Variants in GNAO1 observed in about 807,000 individuals in gnomAD.
GNAO1 encodes the protein guanine nucleotide-binding protein G(o) subunit alpha.
For synonymous variants in GNAO1, 164 were observed against 180.7 expected, an observed-to-expected ratio of 0.91 and a Z score of 0.74; for missense variants, 166 against 478.7, an observed-to-expected ratio of 0.35 and a Z score of 6.10.
chr16:56,239,154 G>A (rs1420309952), intron 2 of GNAO1, among the ~76,000 whole-genome samples: 2 of 152,196 alleles, frequency 1.3e-5, no homozygotes, highest in African/African-American at 4.8e-5. Flanking sequence ...TTTTGCACTA[G>A]CCCATCACAG....
intron 2 of GNAO1, among the ~76,000 whole-genome samples, chr16:56,207,303 AAAAT>A (rs1229879195): frequency 1.3e-5 from 2 of 152,254 alleles, no homozygotes; most frequent in African/African-American, 4.8e-5. Flanking sequence ...AAAGACCAAA[AAAAT>A]AAATAAATAA....
chr16:56,236,521 G>A (rs1300423678), intron 2 of GNAO1, among the ~76,000 whole-genome samples: 2 of 152,158 alleles, frequency 1.3e-5, no homozygotes, highest in African/African-American at 4.8e-5. Flanking sequence ...GGCCAACCCA[G>A]TCAAGTTCAT....
chr16:56,224,890 C>T (rs909040784), intron 2 of GNAO1, among the ~76,000 whole-genome samples: 7 of 152,236 alleles, frequency 4.6e-5, no homozygotes, highest in East Asian at 1.9e-4. Context: ...AAACAATCCT[C>T]GTTTCAGGTG....
At chr16:56,273,253 A>G (rs1490667842) in intron 2 of GNAO1, among the ~76,000 whole-genome samples, 1 of 151,966 alleles carries the variant, frequency 6.6e-6, no homozygotes, top group Non-Finnish European at 1.5e-5. Context: ...TTCAATTTAG[A>G]TAGTTTTTAT....
intron 2 of GNAO1, among the ~76,000 whole-genome samples, chr16:56,214,813 G>A (rs1157451941): frequency 6.6e-6 from 1 of 152,228 alleles, no homozygotes; most frequent in African/African-American, 2.4e-5. Context: ...TTGCGTACCG[G>A]GTGTTTCTGT....
intron 3 of GNAO1, among the ~76,000 whole-genome samples, chr16:56,299,510 G>A (rs1340956579): frequency 7.0e-6 from 1 of 143,298 alleles, no homozygotes; most frequent in African/African-American, 2.5e-5. Context: ...CACCCAGCCC[G>A]AGGCAGCCCC....
intron 3 of GNAO1, among the ~76,000 whole-genome samples, chr16:56,325,242 C>A (rs919279181): frequency 2.0e-5 from 3 of 152,188 alleles, no homozygotes; most frequent in Admixed American, 2.0e-4. Context: ...TTTGGGAGGC[C>A]AAGGCGGGTG....
chr16:56,231,829 G>A (rs1736841316), intron 2 of GNAO1, among the ~76,000 whole-genome samples: 1 of 152,198 alleles, frequency 6.6e-6, no homozygotes, highest in African/African-American at 2.4e-5. Context: ...CTCCTCTGAG[G>A]CTCAGTATTC....
chr16:56,331,584 C>T (rs531283071), intron 4 of GNAO1, among the ~76,000 whole-genome samples: 1 of 152,296 alleles, frequency 6.6e-6, no homozygotes, highest in South Asian at 2.1e-4. Flanking sequence ...GCCCCCGCCT[C>T]CTCTCGGGCC....
At chr16:56,195,661 G>A (rs2036225830) in intron 2 of GNAO1, among the ~76,000 whole-genome samples, 1 of 152,240 alleles carries the variant, frequency 6.6e-6, no homozygotes. Flanking sequence ...ATGAAATTCA[G>A]CAGAAAGCCC....
rs1425468924 is a variant in GNAO1 at position 56,243,598 on chromosome 16, A to T, written c.162-32333A>T. 2.0e-5 allele frequency among the ~76,000 whole-genome samples: 3 copies of T among 152,216 alleles called. No individual in the cohort carries two copies. In the East Asian group the frequency reaches 5.8e-4, roughly 29 times the overall value. On this transcript the variant is annotated intron_variant, in intron 2 of 8. Transcript: ENST00000262493. ...ACGTTATTGGCCATCAGGGAAATGG[A>T]TGGAGAAAAAAAGTAGATTACTGGT...
intron 3 of GNAO1, 86 bp downstream of exon 3, chr16:56,276,158 T>G (rs1467166898): frequency 1.2e-5 from 14 of 1,191,296 alleles, no homozygotes; most frequent in East Asian, 2.4e-5. Context: ...TGGGCTGCCT[T>G]AAATGAACGA....
intron 3 of GNAO1, among the ~76,000 whole-genome samples, chr16:56,317,301 G>A (rs1333698948): frequency 1.3e-5 from 2 of 152,188 alleles, no homozygotes; most frequent in Non-Finnish European, 2.9e-5. Flanking sequence ...GGGACCATGG[G>A]ACAGAGGCAG....
At chr16:56,256,716 CTCTGTGTG>C (rs1321753696) in intron 2 of GNAO1, among the ~76,000 whole-genome samples, 8 of 90,270 alleles carry the variant, frequency 8.9e-5, no homozygotes, top group East Asian at 2.9e-4. Context: ...CTCTCTCTCT[CTCTGTGTG>C]TGTGTGTGTG....
At chr16:56,308,563 TC>T (rs2037420592) in intron 3 of GNAO1, among the ~76,000 whole-genome samples, 1 of 152,056 alleles carries the variant, frequency 6.6e-6, no homozygotes, top group Non-Finnish European at 1.5e-5. Context: ...ATCCAGTTGT[TC>T]CCTGCACAGA....
At chr16:56,235,640 A>G (rs984370554) in intron 2 of GNAO1, among the ~76,000 whole-genome samples, 4 of 152,092 alleles carry the variant, frequency 2.6e-5, no homozygotes, top group Non-Finnish European at 5.9e-5. Context: ...AGTGTGTCCT[A>G]TCCTCCCAGG....
chr16:56,265,015 T>C (rs1160392716), intron 2 of GNAO1, among the ~76,000 whole-genome samples: 1 of 152,212 alleles, frequency 6.6e-6, no homozygotes, highest in East Asian at 1.9e-4. Context: ...TCATCCTCAC[T>C]TTGTAAGGCC....
At chr16:56,258,501 AGT>A (rs2036873513) in intron 2 of GNAO1, among the ~76,000 whole-genome samples, 4 of 152,324 alleles carry the variant, frequency 2.6e-5, no homozygotes, top group Non-Finnish European at 4.4e-5. Context: ...AGTTATGGGT[AGT>A]GGCACACCAC....
At chr16:56,347,916 C>A in intron 6 of GNAO1, 2 of 918,884 alleles carry the variant, frequency 2.2e-6, no homozygotes, top group Non-Finnish European at 1.3e-6. Context: ...CGCCGTCCCC[C>A]ACCCTGCCCC....
Sources: gnomAD v4.1 joint callset for allele counts (sites outside exome capture counted in the v4.1 genomes callset) on GRCh38, gnomAD v4.1.1 for gene constraint, MANE v1.5 for transcripts, NCBI Gene and HGNC (gene_info 2026-07-23, HGNC 2026-07-21) for gene names.